The following ALDH1A2 variants were observed in gnomAD, a reference collection of about 807,000 sequenced individuals.
ALDH1A2 encodes the protein aldehyde dehydrogenase 1 family member A2.
A neutral mutation model predicts 60.3 loss-of-function variants in ALDH1A2; 27 were observed. The ratio of observed to expected loss-of-function variants is 0.45; its 90% CI spans 0.33 to 0.62. The LOEUF (loss-of-function observed/expected upper bound fraction) is 0.62, where lower values mean the gene tolerates loss of function less well. Among genes scored for constraint, ALDH1A2 ranks in the 20% least tolerant of loss-of-function variants. The probability of loss-of-function intolerance (pLI) is 0.02; values close to 1 mark genes in which losing one functional copy is unlikely to be tolerated. For missense variants in ALDH1A2, 581 were observed against 643.8 expected (o/e 0.90, Z 1.06); for synonymous variants, 289 against 232.4 (o/e 1.24, Z -2.21).
At chr15:57,987,222 A>C (rs1311419036) in intron 7 of ALDH1A2, among the ~76,000 whole-genome samples, 1 of 152,162 alleles carries the variant, frequency 6.6e-6, no homozygotes, top group East Asian at 1.9e-4. Flanking sequence ...ACATATCTGT[A>C]AACAGAAGGC....
chr15:57,970,449 G>C (rs1032670503), intron 7 of ALDH1A2, among the ~76,000 whole-genome samples: 1 of 152,226 alleles, frequency 6.6e-6, no homozygotes, highest in East Asian at 1.9e-4. Context: ...TTGATATCAG[G>C]AGTATCCCTG....
chr15:57,992,672 T>A (rs780141240), intron 7 of ALDH1A2, 33 bp downstream of exon 7: 2 of 1,592,570 alleles, frequency 1.3e-6, no homozygotes, highest in Admixed American at 3.3e-5. Context: ...TTTGCAAGAC[T>A]GTTCCTCAAG....
chr15:57,980,407 C>G, intron 7 of ALDH1A2: 1 of 368,914 alleles, frequency 2.7e-6, no homozygotes. Context: ...GGTGCCACTT[C>G]TGCATGGAGT....
intron 7 of ALDH1A2, among the ~76,000 whole-genome samples, chr15:57,977,347 G>T (rs543559422): frequency 2.0e-5 from 3 of 152,246 alleles, no homozygotes; most frequent in African/African-American, 7.2e-5. Flanking sequence ...TATTGCCTAG[G>T]TTTTTGTCTA....
chr15:57,986,316 A>G (rs1237367832), intron 7 of ALDH1A2, among the ~76,000 whole-genome samples: 5 of 152,168 alleles, frequency 3.3e-5, no homozygotes, highest in African/African-American at 7.2e-5. Flanking sequence ...GACCAGACAG[A>G]TAAGAAAGAT....
At chr15:58,035,331 T>A (rs1896351251) in intron 1 of ALDH1A2, among the ~76,000 whole-genome samples, 1 of 151,668 alleles carries the variant, frequency 6.6e-6, no homozygotes, top group South Asian at 2.1e-4. Context: ...AATTTGTGTC[T>A]TCTCTTTTTC....
At chr15:57,956,651 C>T (rs2140442793) in intron 12 of ALDH1A2, among the ~76,000 whole-genome samples, 1 of 152,320 alleles carries the variant, frequency 6.6e-6, no homozygotes, top group Non-Finnish European at 1.5e-5. Context: ...ATGCTTCCCT[C>T]ATTAACTCCA....
chr15:57,978,602 AGTCATATTT>A (rs1894360308), intron 7 of ALDH1A2, among the ~76,000 whole-genome samples: 1 of 152,038 alleles, frequency 6.6e-6, no homozygotes, highest in African/African-American at 2.4e-5. Context: ...TTTGGTCCAC[AGTCATATTT>A]CACATTATCT....
intron 7 of ALDH1A2, among the ~76,000 whole-genome samples, chr15:57,981,289 AACACAC>A (rs775138747): frequency 0.016 from 2,269 of 142,122 alleles, 38 homozygotes; most frequent in African/African-American, 0.052. Flanking sequence ...TAGAAGAGCA[AACACAC>A]ACACACACAC....
At chr15:58,038,315 C>T (rs533726978) in intron 1 of ALDH1A2, among the ~76,000 whole-genome samples, 30 of 151,754 alleles carry the variant, frequency 2.0e-4, no homozygotes, top group Non-Finnish European at 3.7e-4. Flanking sequence ...TCCAAGGAGT[C>T]AAATAGCCTT....
chr15:58,045,200 T>C (rs1469161941), intron 1 of ALDH1A2, among the ~76,000 whole-genome samples: 1 of 152,016 alleles, frequency 6.6e-6, no homozygotes, highest in East Asian at 1.9e-4. Context: ...AGAGATACTA[T>C]CTCACACCAG....
intron 1 of ALDH1A2, among the ~76,000 whole-genome samples, chr15:58,043,702 G>T (rs150846407): frequency 1.9e-3 from 284 of 152,038 alleles, no homozygotes; most frequent in South Asian, 3.5e-3. Flanking sequence ...TCATCACCAA[G>T]AACAGCTGGA....
At chr15:58,054,700 C>A (rs1219403073) in intron 1 of ALDH1A2, among the ~76,000 whole-genome samples, 1 of 152,262 alleles carries the variant, frequency 6.6e-6, no homozygotes, top group African/African-American at 2.4e-5. Context: ...TAGCCTCACA[C>A]ATCCTCCCTC....
chr15:57,961,275 T>G lies in ALDH1A2; in HGVS notation c.1271A>C (p.Glu424Ala), dbSNP rs1483077688. 5 of 1,614,064 alleles carry G rather than the reference T, an allele frequency of 3.1e-6. No individual in the cohort carries two copies. The highest frequency in any genetic ancestry group is 3.4e-6 in the Non-Finnish European group (4 of 1,179,998). The change falls in exon 11 of 13, where the codon GAA (glutamate) becomes GCA (alanine). Residue 424 changes from glutamate (E) to alanine (A), a missense_variant. By Grantham distance (107) the Glu-to-Ala change is moderately radical. Around this residue, in one of 2 missense-constraint regions of ALDH1A2, gnomAD observed 375 missense variants for 469.7 expected, o/e 0.80. Transcript: ENST00000249750. ...AKEEIFGPVQ[E>A]ILRFKTMDEV... Reference sequence around the variant, plus strand: ...ATCCATCGTCTTAAATCTCAAAATTTCCTGAACAGGGCCAAAGATCTGCAA... The same window carrying G: ...ATCCATCGTCTTAAATCTCAAAATTGCCTGAACAGGGCCAAAGATCTGCAA...
intron 1 of ALDH1A2, among the ~76,000 whole-genome samples, chr15:58,032,668 C>T (rs1199379507): frequency 6.6e-6 from 1 of 151,940 alleles, no homozygotes; most frequent in African/African-American, 2.4e-5. Context: ...CAAGCAATCC[C>T]ACTATTGGTT....
At chr15:58,043,623 C>T (rs1296280668) in intron 1 of ALDH1A2, among the ~76,000 whole-genome samples, 2 of 151,892 alleles carry the variant, frequency 1.3e-5, no homozygotes, top group Non-Finnish European at 2.9e-5. Context: ...ACTACAAAGA[C>T]ATCATTTGAA....
chr15:57,998,331 C>T (rs1351221264), intron 4 of ALDH1A2, among the ~76,000 whole-genome samples: 2 of 152,080 alleles, frequency 1.3e-5, no homozygotes, highest in African/African-American at 4.8e-5. Context: ...GCTTCTTAAG[C>T]TGATAAGCAA....
At chr15:58,037,199 T>A (rs1299620294) in intron 1 of ALDH1A2, among the ~76,000 whole-genome samples, 1 of 151,064 alleles carries the variant, frequency 6.6e-6, no homozygotes, top group Non-Finnish European at 1.5e-5. Flanking sequence ...TGAGAGTAAA[T>A]AAATCAGAAA....
intron 1 of ALDH1A2, among the ~76,000 whole-genome samples, chr15:58,042,588 T>G (rs1405874578): frequency 6.6e-6 from 1 of 151,950 alleles, no homozygotes. Flanking sequence ...TAGAATCACT[T>G]TCATCTCATG....
Sources: allele counts gnomAD v4.1 joint callset (sites outside exome capture counted in the v4.1 genomes callset), GRCh38; gene constraint gnomAD v4.1.1; regional missense constraint gnomAD v4.1.1; transcripts MANE v1.5; gene names NCBI Gene and HGNC (gene_info 2026-07-23, HGNC 2026-07-21).